Variants in ADAM18 observed in about 807,000 individuals in gnomAD.
ADAM18 encodes the protein disintegrin and metalloproteinase domain-containing protein 18.
ADAM18 carries 117 observed loss-of-function variants against 94.4 expected under a neutral mutation model. That is an observed-to-expected ratio of 1.24 (90% confidence interval 1.07 to 1.45). The LOEUF (loss-of-function observed/expected upper bound fraction) is 1.45. Among genes scored for constraint, ADAM18 ranks in the 40% most tolerant of loss-of-function variants. The probability of loss-of-function intolerance (pLI) is 0.00; values close to 1 mark genes in which losing one functional copy is unlikely to be tolerated. For missense variants in ADAM18, 936 were observed against 880.0 expected (o/e 1.06, Z -0.81); for synonymous variants, 327 against 291.6 (o/e 1.12, Z -1.24).
chr8:39,609,587 T>C (rs1357277709), intron 5 of ADAM18, 26 bp downstream of exon 5: 1 of 1,519,058 alleles, frequency 6.6e-7, no homozygotes. Context: ...AAGAAATCTA[T>C]AGATGGAGAA....
chr8:39,648,981 A>G (rs902632810), intron 12 of ADAM18, among the ~76,000 whole-genome samples: 4 of 152,134 alleles, frequency 2.6e-5, no homozygotes, highest in African/African-American at 9.7e-5. Context: ...TGAATGACCA[A>G]AATTTGTTTT....
rs531156499 is a variant in ADAM18, at chr8:39,667,082, A to G, written c.1327-916A>G. On this transcript the variant is annotated intron_variant, in intron 13 of 19. Coordinates refer to ENST00000265707, the MANE Select transcript of ADAM18 (RefSeq NM_014237.3). ...GAGGCGTTTATGCTCTTAGATAATA[A>G]TAAACATATAAAAATGAGGCCAGGT... 2.6e-5 allele frequency among the ~76,000 whole-genome samples: 4 copies of G among 152,196 alleles called. No individual in the cohort carries two copies. In the East Asian group the frequency reaches 7.7e-4, roughly 29 times the overall value.
intron 18 of ADAM18, among the ~76,000 whole-genome samples, chr8:39,710,945 C>T (rs1822378764): frequency 6.6e-6 from 1 of 152,174 alleles, no homozygotes; most frequent in Non-Finnish European, 1.5e-5. Flanking sequence ...GAGCTGTCAC[C>T]TGAGGCTAAT....
chr8:39,699,090 G>A (rs1338666643), intron 17 of ADAM18, among the ~76,000 whole-genome samples: 1 of 151,892 alleles, frequency 6.6e-6, no homozygotes, highest in East Asian at 1.9e-4. Context: ...CCTAAAAATT[G>A]CCCTGATTAC....
chr8:39,632,684 TTTC>T (rs1819961997), intron 7 of ADAM18, among the ~76,000 whole-genome samples: 1 of 152,084 alleles, frequency 6.6e-6, no homozygotes, highest in South Asian at 2.1e-4. Flanking sequence ...GTTAGTGAGT[TTTC>T]TTCTTCTTAT....
intron 19 of ADAM18, among the ~76,000 whole-genome samples, chr8:39,725,144 G>A (rs1439325724): frequency 6.6e-6 from 1 of 151,756 alleles, no homozygotes; most frequent in Admixed American, 6.6e-5. Flanking sequence ...CTGATTTTTT[G>A]TCTAGTTATT....
intron 12 of ADAM18, among the ~76,000 whole-genome samples, chr8:39,654,088 C>T (rs1463579336): frequency 2.7e-5 from 4 of 149,432 alleles, no homozygotes; most frequent in Middle Eastern, 3.2e-3. Flanking sequence ...TTGTGTCTGA[C>T]TTATTTCACT....
chr8:39,639,886 G>A (rs901248211), intron 10 of ADAM18, among the ~76,000 whole-genome samples: 5 of 151,816 alleles, frequency 3.3e-5, no homozygotes, highest in African/African-American at 9.7e-5. Flanking sequence ...TTTCAGTCTG[G>A]TTTCCTTTGT....
Position 39,629,434 on chromosome 8 carries a change from G to T in ADAM18, c.583G>T (p.Ala195Ser). The stretch of plus-strand genomic sequence containing the variant: ...GGAAATATACATTATAGTGGAAAAA[G>T]CTTTGGTAAGTATGCTTTCAAGAGG... ...YLEIYIIVEK[A>S]LYDYMGSEMM... The change falls in exon 7 of 20, where the codon GCT becomes TCT. Residue 195 changes from alanine (A) to serine (S), a missense_variant. Physicochemically the swap from Ala to Ser is moderately conservative, Grantham distance 99 (BLOSUM62 1). Transcript: ENST00000265707. 1 of 1,576,054 alleles carries T rather than the reference G, an allele frequency of 6.3e-7. No individual in the cohort carries two copies. Among genetic ancestry groups the T allele is most frequent in the Non-Finnish European group, 8.6e-7 (1 of 1,159,778 alleles).
chr8:39,597,970 C>G (rs1755453743), intron 2 of ADAM18, among the ~76,000 whole-genome samples: 2 of 152,060 alleles, frequency 1.3e-5, no homozygotes, highest in African/African-American at 4.8e-5. Context: ...TGAAGTTTTT[C>G]TCATGTAGAT....
intron 17 of ADAM18, among the ~76,000 whole-genome samples, chr8:39,697,904 A>G (rs2122986): frequency 0.043 from 6,535 of 151,918 alleles, 182 homozygotes; most frequent in Non-Finnish European, 0.065. Context: ...AAGTGTTTGC[A>G]TATGATTTGC....
intron 12 of ADAM18, among the ~76,000 whole-genome samples, chr8:39,661,097 C>T (rs1360577641): frequency 1.3e-5 from 2 of 150,746 alleles, no homozygotes; most frequent in Admixed American, 6.6e-5. Context: ...GATCAGGATG[C>T]CTATATGACC....
rs765839271 is a variant in ADAM18, at chr8:39,645,348, C to T, written c.920C>T (p.Ala307Val). The part of the protein sequence containing the change: ...YDAGIAMYPD[A>V]IGLEGFSVII... The stretch of plus-strand genomic sequence containing the variant: ...TGTCTTTTATTTTAGTATCCAGATG[C>T]AATAGGTTTGGAGGGATTTTCGGTT... Residue 307 changes from alanine to valine, a missense_variant, in exon 11 of 20, where the codon GCA (alanine) becomes GTA (valine). Coordinates refer to ENST00000265707, the MANE Select transcript of ADAM18 (RefSeq NM_014237.3). 20 of 1,607,550 alleles carry T rather than the reference C, an allele frequency of 1.2e-5. No individual in the cohort carries two copies. The highest frequency in any genetic ancestry group is 1.6e-5 in the Non-Finnish European group (19 of 1,177,326).
chr8:39,622,953 G>A (rs1819656109), intron 6 of ADAM18, among the ~76,000 whole-genome samples: 1 of 152,082 alleles, frequency 6.6e-6, no homozygotes, highest in Admixed American at 6.6e-5. Context: ...GGTGATGTCT[G>A]AGATTTACTC....
chr8:39,677,238 A>C (rs762519612), intron 14 of ADAM18, among the ~76,000 whole-genome samples, 193 bp from the exon 15 acceptor site: 6 of 152,232 alleles, frequency 3.9e-5, no homozygotes, highest in Non-Finnish European at 4.4e-5. Context: ...ATTGCAATAG[A>C]TATAATCATT....
In ADAM18 at chr8:39,677,532, C is replaced by T. The variant is rs151306158; in HGVS notation, c.1627C>T (p.Arg543Trp). 2.5e-4 allele frequency: 398 copies of T among 1,589,874 alleles called. No homozygotes were observed. The highest frequency in any genetic ancestry group is 8.0e-4 in the South Asian group (70 of 87,048). ...FKNSQPLPCE[R>W]KDVLCGKLAC... ...AAATTCACAACCATTACCTTGTGAA[C>T]GGAAGTACGTATGTAGAAAATGATT... The change falls in exon 15 of 20, where the codon CGG becomes TGG. Residue 543 changes from arginine (R) to tryptophan (W), a missense_variant. Transcript: ENST00000265707.
At chr8:39,723,479 A>G (rs1487349117) in intron 18 of ADAM18, among the ~76,000 whole-genome samples, 1 of 151,650 alleles carries the variant, frequency 6.6e-6, no homozygotes, top group Non-Finnish European at 1.5e-5. Flanking sequence ...ATTAACTTGT[A>G]AAGTATTGAT....
intron 16 of ADAM18, among the ~76,000 whole-genome samples, chr8:39,686,463 T>C (rs991959287): frequency 6.6e-6 from 1 of 152,178 alleles, no homozygotes; most frequent in African/African-American, 2.4e-5. Context: ...TGAACCTCTT[T>C]TATTAAGGCG....
intron 14 of ADAM18, among the ~76,000 whole-genome samples, chr8:39,673,477 C>G (rs1821211763): frequency 1.3e-5 from 2 of 152,044 alleles, no homozygotes; most frequent in Admixed American, 6.6e-5. Flanking sequence ...CACACCCCAC[C>G]CCCCAACAAG....
Sources: gnomAD v4.1 joint callset for allele counts (sites outside exome capture counted in the v4.1 genomes callset) on GRCh38, gnomAD v4.1.1 for gene constraint, MANE v1.5 for transcripts, NCBI Gene and HGNC (gene_info 2026-07-23, HGNC 2026-07-21) for gene names.